The following XRCC5 variants were observed in gnomAD, a reference collection of about 807,000 sequenced individuals.
XRCC5 encodes X-ray repair cross complementing 5.
Under a neutral mutation model 95.7 loss-of-function variants are expected in XRCC5, and 12 were observed. That is an observed-to-expected ratio of 0.13 (90% CI 0.08 to 0.20). The LOEUF (loss-of-function observed/expected upper bound fraction) is 0.20, where lower values mean the gene tolerates loss of function less well. XRCC5 is among the 10% of genes least tolerant of loss of function. XRCC5 has a pLI of 1.00. For synonymous variants in XRCC5, 281 were observed against 290.3 expected (o/e 0.97, Z 0.33); for missense variants, 595 against 873.9 (o/e 0.68, Z 4.02).
rs1696918975 is a variant in XRCC5 at position 216,127,625 on chromosome 2, C to T, written c.888C>T (p.Cys296=). ...ATATACAAAAAGAAACAGTTTATTG[C>T]TTAAATGATGATGATGAAACTGAAG... The part of the protein sequence containing the change: ...KEDIQKETVY[C]LNDDDETEVL... The change falls in exon 8 of 21, where the codon TGC becomes TGT. Residue 296 remains cysteine, a synonymous_variant. Transcript: ENST00000392132. 2 of 1,611,440 alleles carry T rather than the reference C, an allele frequency of 1.2e-6. No individual in the cohort carries two copies. The highest frequency in any genetic ancestry group is 1.3e-5 in the African/African-American group (1 of 74,858).
At chr2:216,127,278 T>G (rs1696914605) in intron 7 of XRCC5, among the ~76,000 whole-genome samples, 1 of 152,142 alleles carries the variant, frequency 6.6e-6, no homozygotes, top group African/African-American at 2.4e-5. Context: ...TTAGACAGTC[T>G]GAGGTTTTGT....
intron 16 of XRCC5, among the ~76,000 whole-genome samples, chr2:216,165,150 T>C (rs1045290650): frequency 6.6e-6 from 1 of 152,240 alleles, no homozygotes; most frequent in Non-Finnish European, 1.5e-5. Flanking sequence ...AATACTGGAT[T>C]TTTTACGTAG....
chr2:216,158,102 C>A (rs1478027336), intron 14 of XRCC5, among the ~76,000 whole-genome samples: 3 of 152,152 alleles, frequency 2.0e-5, no homozygotes, highest in African/African-American at 7.2e-5. Flanking sequence ...TTCCCTAGAA[C>A]CTCATTTTGG....
intron 14 of XRCC5, among the ~76,000 whole-genome samples, chr2:216,154,143 A>G (rs781211366): frequency 2.6e-5 from 4 of 152,214 alleles, no homozygotes; most frequent in Non-Finnish European, 4.4e-5. Context: ...TTGGAGCTAA[A>G]CTCAAGCATT....
At chr2:216,128,842 A>G (rs772724451) in intron 8 of XRCC5, among the ~76,000 whole-genome samples, 13 of 152,184 alleles carry the variant, frequency 8.5e-5, no homozygotes, top group South Asian at 2.1e-4. Flanking sequence ...CATTTTATAG[A>G]TAAGGGAACT....
chr2:216,156,137 A>G (rs955658327), intron 14 of XRCC5, among the ~76,000 whole-genome samples: 14 of 152,254 alleles, frequency 9.2e-5, no homozygotes, highest in Admixed American at 6.5e-4. Context: ...ATATACTTTC[A>G]TACAGATTTC....
At chr2:216,205,162 T>C in intron 20 of XRCC5, 26 bp from the exon 21 acceptor site, 1 of 1,613,844 alleles carries the variant, frequency 6.2e-7, no homozygotes, top group Non-Finnish European at 8.5e-7. Flanking sequence ...CTGATTCCTT[T>C]CTAAGTGTGT....
chr2:216,131,068 T>C, intron 9 of XRCC5, 81 bp downstream of exon 9: 1 of 1,446,088 alleles, frequency 6.9e-7, no homozygotes, highest in Non-Finnish European at 9.4e-7. Flanking sequence ...ATTTTATTTA[T>C]AAGGTATATT....
intron 5 of XRCC5, among the ~76,000 whole-genome samples, chr2:216,120,278 C>G (rs540711260): frequency 1.6e-4 from 24 of 152,314 alleles, no homozygotes; most frequent in Middle Eastern, 3.4e-3. Context: ...CTCAGGATGC[C>G]TTTACATGTT....
At chr2:216,149,283 G>C (rs148887835) in intron 14 of XRCC5, among the ~76,000 whole-genome samples, 1 of 152,060 alleles carries the variant, frequency 6.6e-6, no homozygotes, top group Non-Finnish European at 1.5e-5. Flanking sequence ...TAACATCCAA[G>C]CTTTGTCAGA....
At chr2:216,156,397 G>T in intron 14 of XRCC5, 1 of 810,532 alleles carries the variant, frequency 1.2e-6, no homozygotes. Flanking sequence ...TTAAGTGCTT[G>T]GCAACAAGTC....
intron 1 of XRCC5, 23 bp from the exon 2 acceptor site, chr2:216,112,993 A>G: frequency 6.3e-7 from 1 of 1,582,340 alleles, no homozygotes; most frequent in Non-Finnish European, 8.6e-7. Context: ...TTTCTCAAAC[A>G]CTCTTTGGAA....
At chr2:216,162,112 A>G in intron 16 of XRCC5, 64 bp downstream of exon 16, 3 of 1,431,696 alleles carry the variant, frequency 2.1e-6, no homozygotes, top group Non-Finnish European at 3.0e-6. Context: ...TAAAGTCTAG[A>G]TTAAGAACTG....
intron 16 of XRCC5, among the ~76,000 whole-genome samples, chr2:216,163,930 A>G (rs574577165): frequency 6.6e-6 from 1 of 152,358 alleles, no homozygotes; most frequent in South Asian, 2.1e-4. Flanking sequence ...GTTGCCATAT[A>G]GGAGAAAAAC....
At chr2:216,172,285 A>G (rs1380099774) in intron 16 of XRCC5, among the ~76,000 whole-genome samples, 1 of 152,150 alleles carries the variant, frequency 6.6e-6, no homozygotes, top group Non-Finnish European at 1.5e-5. Context: ...AAAGGAGGAG[A>G]GTAAAGGTTG....
At chr2:216,122,307 CT>C (rs1462764132) in intron 6 of XRCC5, 54 bp downstream of exon 6, 15 of 1,526,022 alleles carry the variant, frequency 9.8e-6, no homozygotes, top group Admixed American at 7.4e-5. Context: ...GTAAATTTCT[CT>C]TTTGATTAGA....
chr2:216,200,378 A>G (rs1689814298), intron 19 of XRCC5, among the ~76,000 whole-genome samples: 1 of 152,160 alleles, frequency 6.6e-6, no homozygotes, highest in Non-Finnish European at 1.5e-5. Flanking sequence ...GGAACCTGTG[A>G]CATTTTTCTT....
At chr2:216,187,821 A>ACTCTCTCTCTCTCTCTCTCT (rs371097633) in intron 16 of XRCC5, among the ~76,000 whole-genome samples, 1 of 47,950 alleles carries the variant, frequency 2.1e-5, no homozygotes, top group African/African-American at 1.0e-4. Context: ...ACACACACAC[A>ACTCTCTCTCTCTCTCTCTCT]CTCTCTCTCT....
chr2:216,200,909 G>C (rs367934723), intron 19 of XRCC5, among the ~76,000 whole-genome samples: 1 of 152,176 alleles, frequency 6.6e-6, no homozygotes, highest in Non-Finnish European at 1.5e-5. Flanking sequence ...TAAAGATGCT[G>C]TGGATATTCT....
Sources: allele counts gnomAD v4.1 joint callset (sites outside exome capture counted in the v4.1 genomes callset), GRCh38; gene constraint gnomAD v4.1.1; transcripts MANE v1.5; gene names NCBI Gene and HGNC (gene_info 2026-07-23, HGNC 2026-07-21).